Variants in NRXN3 observed in about 807,000 individuals in gnomAD.
NRXN3 encodes the protein neurexin III.
A neutral mutation model predicts 137.6 loss-of-function variants in NRXN3; 32 were observed. The ratio of observed to expected loss-of-function variants is 0.23; its 90% CI spans 0.18 to 0.31. The LOEUF (loss-of-function observed/expected upper bound fraction) is 0.31, where lower values mean the gene tolerates loss of function less well. Among genes scored for constraint, NRXN3 ranks in the 10% least tolerant of loss-of-function variants. The pLI is 1.00. For missense variants in NRXN3, 1,574 were observed against 2,062.5 expected, an observed-to-expected ratio of 0.76 and a Z score of 4.59; for synonymous variants, 798 against 784.5, an observed-to-expected ratio of 1.02 and a Z score of -0.29.
chr14:79,236,339 G>A (rs1413942624), intron 15 of NRXN3, among the ~76,000 whole-genome samples: 2 of 152,014 alleles, frequency 1.3e-5, no homozygotes, highest in African/African-American at 2.4e-5. Context: ...GTATTTATGT[G>A]TGTGTATATG....
chr14:78,193,210 T>G (rs373722970), intron 1 of NRXN3, among the ~76,000 whole-genome samples: 1 of 152,150 alleles, frequency 6.6e-6, no homozygotes, highest in South Asian at 2.1e-4. Flanking sequence ...TATGGAAGAT[T>G]AGTGCTAAAT....
chr14:79,278,987 C>G (rs1480451497), intron 15 of NRXN3, among the ~76,000 whole-genome samples: 2 of 152,240 alleles, frequency 1.3e-5, no homozygotes, highest in African/African-American at 2.4e-5. Context: ...GGAGCTACTT[C>G]GGCCTTAGCC....
rs1038803142 is a variant in NRXN3, at chr14:79,734,752, C to G, written c.4014+36815C>G. The stretch of plus-strand genomic sequence containing the variant: ...AAATTAAATGATTTCTAAAATCACC[C>G]AGCTAATTAGTGGCAGAAATGAGAC... On this transcript the variant is annotated intron_variant, in intron 19 of 20. Transcript: ENST00000335750. 3.7e-4 allele frequency among the ~76,000 whole-genome samples: 56 copies of G among 152,168 alleles called. 2 individuals carry two copies. Among genetic ancestry groups the G allele is most frequent in the Admixed American group, 2.6e-4 (4 of 15,268 alleles).
At chr14:79,532,381 A>T (rs1337820639) in intron 16 of NRXN3, among the ~76,000 whole-genome samples, 2 of 152,160 alleles carry the variant, frequency 1.3e-5, no homozygotes, top group African/African-American at 4.8e-5. Context: ...CTCTGAGAGG[A>T]AATTGAGAAA....
At chr14:78,273,415 A>G (rs1008762530) in intron 2 of NRXN3, among the ~76,000 whole-genome samples, 5 of 152,248 alleles carry the variant, frequency 3.3e-5, no homozygotes, top group Non-Finnish European at 7.3e-5. Flanking sequence ...TATTACCTTC[A>G]TATATGAGAG....
At chr14:78,643,337 A>G (rs1237686148) in intron 4 of NRXN3, among the ~76,000 whole-genome samples, 1 of 152,152 alleles carries the variant, frequency 6.6e-6, no homozygotes, top group Non-Finnish European at 1.5e-5. Context: ...TGTAGCCTCC[A>G]ATCTTTAGAG....
chr14:78,655,367 G>GT (rs1421449625), intron 6 of NRXN3, among the ~76,000 whole-genome samples: 1 of 152,124 alleles, frequency 6.6e-6, no homozygotes, highest in Non-Finnish European at 1.5e-5. Flanking sequence ...AAATGTAAGT[G>GT]TAAGTGAATA....
rs8019369 is a variant in NRXN3, at chr14:79,799,701, C to T, written c.4015-5411C>T. Among the ~76,000 whole-genome samples the T allele has an allele frequency of 7.6e-3, 1,162 of 152,282 alleles. 19 individuals carry two copies. Among genetic ancestry groups the T allele is most frequent in the African/African-American group, 0.026 (1,062 of 41,546 alleles). ...TCTCCAGCCCACCCGTCCTCACTTC[C>T]TTCCCCTGTCTCACCACTGCCTGTC... On this transcript the variant is annotated intron_variant, in intron 19 of 20. Transcript: ENST00000335750.
chr14:78,448,675 A>G (rs893212297), intron 4 of NRXN3, among the ~76,000 whole-genome samples: 1 of 152,130 alleles, frequency 6.6e-6, no homozygotes, highest in Non-Finnish European at 1.5e-5. Context: ...CATTATCACT[A>G]ATTTCATGGT....
chr14:79,518,635 G>A (rs2153699578), intron 16 of NRXN3, among the ~76,000 whole-genome samples: 1 of 152,154 alleles, frequency 6.6e-6, no homozygotes, highest in Non-Finnish European at 1.5e-5. Flanking sequence ...AACTCCAGGT[G>A]CTCAGTCATA....
intron 6 of NRXN3, among the ~76,000 whole-genome samples, chr14:78,679,516 T>A (rs1045105391): frequency 1.3e-5 from 2 of 152,224 alleles, no homozygotes; most frequent in African/African-American, 4.8e-5. Context: ...ATTAATTAAT[T>A]TCAATTTGAT....
intron 16 of NRXN3, among the ~76,000 whole-genome samples, chr14:79,522,470 T>A (rs1220477300): frequency 1.3e-5 from 2 of 152,154 alleles, no homozygotes; most frequent in Non-Finnish European, 2.9e-5. Flanking sequence ...ATAATGGAAT[T>A]CATTTTATGC....
chr14:79,028,682 C>T (rs553130797), intron 15 of NRXN3, among the ~76,000 whole-genome samples: 2 of 152,210 alleles, frequency 1.3e-5, no homozygotes, highest in African/African-American at 4.8e-5. Flanking sequence ...TTCCAGGTTT[C>T]TACAGTGGAG....
chr14:79,517,150 G>A (rs2096998672), intron 16 of NRXN3, among the ~76,000 whole-genome samples: 1 of 150,582 alleles, frequency 6.6e-6, no homozygotes, highest in South Asian at 2.1e-4. Flanking sequence ...AGAGACTGTG[G>A]TCACACTTTT....
intron 15 of NRXN3, among the ~76,000 whole-genome samples, chr14:79,149,837 C>T (rs1198070546): frequency 6.6e-6 from 1 of 151,952 alleles, no homozygotes; most frequent in South Asian, 2.1e-4. Context: ...AGGGGAATAA[C>T]AAACAGTGGG....
At chr14:79,147,700 A>G (rs7151651) in intron 15 of NRXN3, among the ~76,000 whole-genome samples, 74,040 of 151,962 alleles carry the variant, frequency 0.49, 21,105 homozygotes, top group East Asian at 0.78. Context: ...CTCATTGTCC[A>G]TATTCAGGAG....
At chr14:78,421,248 T>C (rs1449376551) in intron 4 of NRXN3, among the ~76,000 whole-genome samples, 1 of 140,168 alleles carries the variant, frequency 7.1e-6, no homozygotes, top group Non-Finnish European at 1.5e-5. Flanking sequence ...GGTGACAGAC[T>C]GAGACTCCAT....
At chr14:79,252,845 A>C (rs1330328932) in intron 15 of NRXN3, among the ~76,000 whole-genome samples, 1 of 152,140 alleles carries the variant, frequency 6.6e-6, no homozygotes, top group South Asian at 2.1e-4. Flanking sequence ...TTCTTAGAAC[A>C]TTTGGAGAAC....
At chr14:79,028,263 A>G (rs1361021080) in intron 15 of NRXN3, among the ~76,000 whole-genome samples, 1 of 152,110 alleles carries the variant, frequency 6.6e-6, no homozygotes, top group African/African-American at 2.4e-5. Context: ...TTTTGGCAGG[A>G]CTCAAGAGCT....
Sources: gnomAD v4.1 joint callset for allele counts (sites outside exome capture counted in the v4.1 genomes callset) on GRCh38, gnomAD v4.1.1 for gene constraint, MANE v1.5 for transcripts, NCBI Gene and HGNC (gene_info 2026-07-23, HGNC 2026-07-21) for gene names.